CACNG2: variants seen among roughly 807,000 people sequenced by gnomAD.
CACNG2 encodes calcium voltage-gated channel auxiliary subunit gamma 2, also known as voltage-dependent calcium channel gamma-2 subunit.
In CACNG2, 3 loss-of-function variants were observed where a neutral mutation model predicts 25.9. The ratio of observed to expected loss-of-function variants is 0.12; its 90% confidence interval spans 0.05 to 0.30. The LOEUF (loss-of-function observed/expected upper bound fraction) is 0.30. Ranked by LOEUF, CACNG2 falls within the 10% of genes least tolerant of loss-of-function variation. CACNG2 has a pLI of 1.00. For missense variants in CACNG2, 341 were observed against 432.5 expected (o/e 0.79, Z 1.88); for synonymous variants, 167 against 173.3 (o/e 0.96, Z 0.29).
intron 1 of CACNG2, among the ~76,000 whole-genome samples, chr22:36,588,848 C>T (rs1935544249): frequency 6.6e-6 from 1 of 152,140 alleles, no homozygotes; most frequent in African/African-American, 2.4e-5. Context: ...GCTACTGTGA[C>T]CTAATTAATA....
chr22:36,566,633 A>C, intron 2 of CACNG2, 140 bp from the exon 3 acceptor site: 1 of 915,100 alleles, frequency 1.1e-6, no homozygotes, highest in Non-Finnish European at 1.7e-6. Context: ...TTGCAATCCT[A>C]GGGAGGGAGA....
chr22:36,630,539 G>A (rs557504127), intron 1 of CACNG2, among the ~76,000 whole-genome samples: 1 of 152,256 alleles, frequency 6.6e-6, no homozygotes, highest in Admixed American at 6.5e-5. Flanking sequence ...TTCATTGAAA[G>A]AGGTACAGGG....
intron 1 of CACNG2, among the ~76,000 whole-genome samples, chr22:36,657,789 G>A (rs1363050002): frequency 6.6e-6 from 1 of 152,120 alleles, no homozygotes; most frequent in African/African-American, 2.4e-5. Context: ...ATGGCTCAGG[G>A]AGTGGAGGCT....
In CACNG2 at chr22:36,564,343, CG is replaced by C; in HGVS notation, c.*7del. The C allele has an allele frequency of 6.2e-7, 1 of 1,611,074 alleles. No homozygotes were observed. The highest frequency in any genetic ancestry group is 8.5e-7 in the Non-Finnish European group (1 of 1,178,722). ...CCTCCCGCGGTCTTCTGGCGAGGCC[CG>C]CGGTCTTTATACGGGGGTGGTCCGG... On this transcript the variant is annotated 3_prime_UTR_variant, in exon 4 of 4. Transcript: ENST00000300105. This position sits in a 1 kb window ranked among gnomAD's most constrained non-coding sequence, Gnocchi z 6.7.
intron 1 of CACNG2, among the ~76,000 whole-genome samples, chr22:36,678,135 C>T (rs1937041727): frequency 6.6e-6 from 1 of 152,194 alleles, no homozygotes; most frequent in Non-Finnish European, 1.5e-5. Context: ...GCTCACCAGC[C>T]TGGCATTCTA....
chr22:36,691,349 A>G (rs1276035378), intron 1 of CACNG2, among the ~76,000 whole-genome samples: 1 of 152,178 alleles, frequency 6.6e-6, no homozygotes, highest in African/African-American at 2.4e-5. Flanking sequence ...GCACCTTCAC[A>G]AACTGCAAGG....
intron 1 of CACNG2, among the ~76,000 whole-genome samples, chr22:36,631,633 C>T (rs140527): frequency 0.8 from 121,011 of 152,120 alleles, 48,271 homozygotes; most frequent in African/African-American, 0.86. Flanking sequence ...CTCTGGTCCT[C>T]TGTGGATGTG....
At chr22:36,688,936 A>G (rs2592958) in intron 1 of CACNG2, among the ~76,000 whole-genome samples, 142,897 of 152,200 alleles carry the variant, frequency 0.94, 67,268 homozygotes, top group East Asian at 1. Context: ...CAAGTGCTCC[A>G]CTCTCTCCTT....
intron 3 of CACNG2, among the ~76,000 whole-genome samples, chr22:36,565,863 C>G (rs1935115851): frequency 6.6e-6 from 1 of 152,178 alleles, no homozygotes. Flanking sequence ...GTGAGTGTGA[C>G]TCATCTGTCA....
intron 1 of CACNG2, among the ~76,000 whole-genome samples, chr22:36,646,200 G>A (rs976729222): frequency 3.3e-5 from 5 of 152,072 alleles, no homozygotes; most frequent in African/African-American, 9.7e-5. Flanking sequence ...CCCATTTTAT[G>A]GAGAAATAAC....
At chr22:36,595,662 C>T (rs966033798) in intron 1 of CACNG2, among the ~76,000 whole-genome samples, 3 of 152,200 alleles carry the variant, frequency 2.0e-5, no homozygotes, top group Non-Finnish European at 2.9e-5. Flanking sequence ...TCTCACTGCC[C>T]GCTGTCCCCT....
At position 36,702,441 on chromosome 22, in the gene CACNG2, T is replaced by C. The variant is rs768541051; in HGVS notation, c.136A>G (p.Ser46Gly). The C allele has an allele frequency of 4.2e-5, 68 of 1,613,992 alleles. No individual in the cohort carries two copies. In the Admixed American group the frequency reaches 1.1e-3, roughly 26 times the overall value. The change falls in exon 1 of 4, where the codon AGT becomes GGT. Residue 46 changes from serine (S) to glycine (G), a missense_variant. Ser to Gly is a moderately conservative substitution (Grantham distance 56). Transcript: ENST00000300105. ...TTCTTTTTGCTGGTTTCATTCTCAC[T>C]GACACTTTTGGTCTTGCAAACCCCT... is the stretch of plus-strand genomic sequence containing the variant. ...SRGVCKTKSV[S>G]ENETSKKNEE...
intron 1 of CACNG2, among the ~76,000 whole-genome samples, chr22:36,664,619 C>T (rs900117763): frequency 1.3e-5 from 2 of 152,124 alleles, no homozygotes; most frequent in African/African-American, 2.4e-5. Context: ...GATTTGAGGC[C>T]GACTGTCTTT....
chr22:36,629,516 G>GTGTT (rs573620472), intron 1 of CACNG2, among the ~76,000 whole-genome samples: 129 of 152,192 alleles, frequency 8.5e-4, no homozygotes, highest in African/African-American at 3.0e-3. Context: ...TTGTGTGTGT[G>GTGTT]TGTGTGTTCG....
In CACNG2 at chr22:36,561,570, T is replaced by C. The variant is rs540292816; in HGVS notation, c.*2781A>G. 111 of 152,278 alleles carry C rather than the reference T, an allele frequency of 7.3e-4. No homozygotes were observed. Among genetic ancestry groups the C allele is most frequent in the African/African-American group, 2.6e-3 (108 of 41,544 alleles). The allele number at this position is 152,278 out of a possible 1,614,324, so 9.4% of individuals were successfully genotyped here. On this transcript the variant is annotated 3_prime_UTR_variant, in exon 4 of 4. Transcript: ENST00000300105. Reference sequence around the variant, plus strand: ...CAAAAGACAGGAAAGGCAGGTGAGATGTGCAAGCTCAAAAAGCCTTACTAG... The same window carrying C: ...CAAAAGACAGGAAAGGCAGGTGAGACGTGCAAGCTCAAAAAGCCTTACTAG...
intron 1 of CACNG2, among the ~76,000 whole-genome samples, chr22:36,679,690 G>A (rs1330700358): frequency 5.9e-5 from 9 of 152,042 alleles, no homozygotes; most frequent in Non-Finnish European, 1.0e-4. Context: ...CTAGGTCACT[G>A]CCCACTTACG....
At chr22:36,688,539 CAAA>C (rs35964599) in intron 1 of CACNG2, among the ~76,000 whole-genome samples, 4 of 70,118 alleles carry the variant, frequency 5.7e-5, no homozygotes, top group African/African-American at 1.0e-4. Context: ...GACCCTGTCT[CAAA>C]AAAAAAAAAA....
chr22:36,567,310 A>G (rs1935142246), intron 2 of CACNG2, among the ~76,000 whole-genome samples: 1 of 152,222 alleles, frequency 6.6e-6, no homozygotes, highest in Admixed American at 6.5e-5. Context: ...ACCATGAACC[A>G]TGGGTCGTGA....
At chr22:36,661,351 G>A (rs1393068233) in intron 1 of CACNG2, among the ~76,000 whole-genome samples, 20 of 152,160 alleles carry the variant, frequency 1.3e-4, no homozygotes, top group Non-Finnish European at 2.9e-4. Context: ...GAGATTACAC[G>A]GTGAAGTGGG....
Sources: gnomAD v4.1 joint callset for allele counts (sites outside exome capture counted in the v4.1 genomes callset) on GRCh38, gnomAD v4.1.1 for gene constraint, Gnocchi (gnomAD v3.1) non-coding constraint, MANE v1.5 for transcripts, NCBI Gene and HGNC (gene_info 2026-07-23, HGNC 2026-07-21) for gene names.